The following TSC22D2 variants were observed in gnomAD, a reference collection of about 807,000 sequenced individuals.
The protein encoded by TSC22D2 is TSC22 domain family member 2, also known as TSC22 domain family protein 2.
Under a neutral mutation model 50.1 loss-of-function variants are expected in TSC22D2, and 5 were observed. That is an observed-to-expected ratio of 0.10 (90% CI 0.05 to 0.21). TSC22D2 has a LOEUF of 0.21. Ranked by LOEUF, TSC22D2 falls within the 10% of genes least tolerant of loss-of-function variation. The probability of loss-of-function intolerance (pLI) is 1.00; values close to 1 mark genes in which losing one functional copy is unlikely to be tolerated. For synonymous variants in TSC22D2, 501 were observed against 450.1 expected, an observed-to-expected ratio of 1.11 and a Z score of -1.43; for missense variants, 1,003 against 1,015.5, an observed-to-expected ratio of 0.99 and a Z score of 0.17.
intron 1 of TSC22D2, among the ~76,000 whole-genome samples, chr3:150,416,571 G>T (rs1263801577): frequency 6.6e-6 from 1 of 152,044 alleles, no homozygotes; most frequent in Non-Finnish European, 1.5e-5. Flanking sequence ...TGAATCATTG[G>T]TATAATGTCT....
At position 150,410,787 on chromosome 3, in the gene TSC22D2, G is replaced by C. The variant is rs144273585; in HGVS notation, c.1437G>C (p.Gln479His). 1 of 1,612,590 alleles carries C rather than the reference G, an allele frequency of 6.2e-7. No individual in the cohort carries two copies. Among genetic ancestry groups the C allele is most frequent in the Admixed American group, 1.7e-5 (1 of 59,940 alleles). The change falls in exon 1 of 3, where the codon CAG becomes CAC. Residue 479 changes from glutamine (Q) to histidine (H), a missense_variant. Around this residue, in one of 6 missense-constraint regions of TSC22D2, gnomAD observed 696 missense variants for 647.8 expected, o/e 1.07. Coordinates refer to ENST00000688009, the MANE Select transcript of TSC22D2 (RefSeq NM_001303264.2). ...CLGPAGAGQP[Q>H]SVPPPQMGGS... The stretch of plus-strand genomic sequence containing the variant: ...GTCCTGCCGGGGCTGGGCAGCCCCA[G>C]TCCGTGCCTCCGCCGCAGATGGGTG...
rs1463333214 is a variant in TSC22D2 at position 150,409,465 on chromosome 3, T to C, written c.115T>C (p.Ser39Pro). ...CGAGAGCTTGGACGACCCGGACGAG[T>C]CACGCACAGAGGACGTCTCCTCCGA... ...DTESLDDPDE[S>P]RTEDVSSEIF... is the part of the protein sequence containing the mutation. Residue 39 changes from serine (S) to proline (P), a missense_variant, in exon 1 of 3, where the codon TCA becomes CCA. Physicochemically the swap from Ser to Pro is moderately conservative, Grantham distance 74 (BLOSUM62 -1). This residue lies in a region of TSC22D2 where 200 missense variants were observed against 182.8 expected (regional missense o/e 1.09). Transcript: ENST00000688009. This position sits in a 1 kb window ranked among gnomAD's most constrained non-coding sequence, Gnocchi z 7.4. 3.1e-6 allele frequency: 5 copies of C among 1,609,366 alleles called. No homozygotes were observed. The highest frequency in any genetic ancestry group is 3.3e-4 in the Middle Eastern group (2 of 6,052).
At chr3:150,435,860 G>A (rs1002538383) in intron 1 of TSC22D2, among the ~76,000 whole-genome samples, 2 of 152,076 alleles carry the variant, frequency 1.3e-5, no homozygotes, top group Non-Finnish European at 2.9e-5. Flanking sequence ...GAATATTTGG[G>A]ATTTGGTTTT....
intron 1 of TSC22D2, among the ~76,000 whole-genome samples, chr3:150,438,678 TATACC>T (rs1419020891): frequency 6.6e-6 from 1 of 152,162 alleles, no homozygotes; most frequent in Non-Finnish European, 1.5e-5. Context: ...TTTTAGGTGT[TATACC>T]AGGAGATATT....
intron 1 of TSC22D2, among the ~76,000 whole-genome samples, chr3:150,447,717 TATC>T (rs957629424): frequency 5.8e-4 from 89 of 152,168 alleles, no homozygotes; most frequent in African/African-American, 2.1e-3. Context: ...CTCTTTTCCT[TATC>T]ATCTCACTGA....
intron 1 of TSC22D2, among the ~76,000 whole-genome samples, chr3:150,434,730 G>A (rs1402148890): frequency 2.0e-5 from 3 of 151,946 alleles, no homozygotes; most frequent in Non-Finnish European, 4.4e-5. Context: ...TGTGTATTTG[G>A]TGTTTCTTCT....
At chr3:150,453,159 A>G (rs990587645) in intron 1 of TSC22D2, among the ~76,000 whole-genome samples, 18 of 152,206 alleles carry the variant, frequency 1.2e-4, no homozygotes, top group Non-Finnish European at 1.9e-4. Flanking sequence ...GGAAGTAAAG[A>G]CAGGAAGCCT....
chr3:150,420,274 CTAAT>C (rs1719962403), intron 1 of TSC22D2, among the ~76,000 whole-genome samples: 1 of 152,158 alleles, frequency 6.6e-6, no homozygotes, highest in Non-Finnish European at 1.5e-5. Context: ...TGTTTGGAGA[CTAAT>C]TATTGTTGCT....
intron 1 of TSC22D2, among the ~76,000 whole-genome samples, chr3:150,436,383 A>G (rs1472844105): frequency 6.6e-6 from 1 of 151,966 alleles, no homozygotes; most frequent in Admixed American, 6.6e-5. Context: ...CGGCCCTTTA[A>G]CAAAAGGTCA....
rs184013459 is a variant in TSC22D2 at position 150,416,326 on chromosome 3, G to T, written c.1958+5018G>T. 1.2e-3 allele frequency among the ~76,000 whole-genome samples: 178 copies of T among 152,232 alleles called. 1 individual carries two copies. The highest frequency in any genetic ancestry group is 2.2e-3 in the Non-Finnish European group (148 of 68,000). ...GGAAGGAGAGGCCTTACAAAAGCAG[G>T]TCTGTCTGGTTAAACATAGCCTGAA... On this transcript the variant is annotated intron_variant, in intron 1 of 2. Transcript: ENST00000688009.
At chr3:150,437,470 C>T (rs979330668) in intron 1 of TSC22D2, among the ~76,000 whole-genome samples, 2 of 151,926 alleles carry the variant, frequency 1.3e-5, no homozygotes, top group South Asian at 2.1e-4. Flanking sequence ...CTTAAATGAT[C>T]GGTATGGATT....
At position 150,436,629 on chromosome 3, in the gene TSC22D2, A is replaced by C. The variant is rs142345544; in HGVS notation, c.1959-20447A>C. Among the ~76,000 whole-genome samples, 338 of 152,338 alleles carry C rather than the reference A, an allele frequency of 2.2e-3. 1 individual carries two copies. The highest frequency in any genetic ancestry group is 7.9e-3 in the African/African-American group (328 of 41,570). On this transcript the variant is annotated intron_variant, in intron 1 of 2. Transcript: ENST00000688009. The stretch of plus-strand genomic sequence containing the variant: ...GGTAATACATTAATGAAATGACCAC[A>C]ACTTTAAACGACCACTTATCCTCAT...
intron 1 of TSC22D2, among the ~76,000 whole-genome samples, chr3:150,419,867 C>G (rs1024486525): frequency 5.3e-5 from 8 of 152,114 alleles, no homozygotes; most frequent in African/African-American, 1.9e-4. Context: ...ACAGTGTAAA[C>G]CACATCTCAG....
Position 150,409,297 on chromosome 3 carries a change from C to G in TSC22D2, c.-54C>G, listed in dbSNP as rs369065042. On this transcript the variant is annotated 5_prime_UTR_variant, in exon 1 of 3. Transcript: ENST00000688009. The surrounding 1 kb of genome is among the most constrained non-coding windows in gnomAD (Gnocchi z 7.4). ...GCCCGTGCTCTGCCCTCCCCGGTTT[C>G]CGACAGGACCCAGAGGAGCCGGCGT... 14 of 1,527,652 alleles carry G rather than the reference C, an allele frequency of 9.2e-6. No individual in the cohort carries two copies. The African/African-American group carries it at 1.1e-4, about 12-fold the overall frequency. The allele number at this position is 1,527,652 out of a possible 1,614,324, so 94.6% of individuals were successfully genotyped here. A position where few individuals can be genotyped will look rare whatever the true frequency, so the allele number is the denominator to read the frequency against.
At chr3:150,423,000 AT>A in intron 1 of TSC22D2, 1 of 1,373,448 alleles carries the variant, frequency 7.3e-7, no homozygotes, top group South Asian at 1.2e-5. Context: ...AGTAGTGATT[AT>A]ACTGTACGTT....
rs1262920304 is a variant in TSC22D2 at position 150,409,573 on chromosome 3, G to A, written c.223G>A (p.Val75Ile). ...RSSSEETLNN[V>I]GDAETPGTVS... ...CTCTTCCGAAGAGACGCTTAACAAT[G>A]TTGGGGATGCGGAGACTCCCGGGAC... The change falls in exon 1 of 3, where the codon GTT becomes ATT. Residue 75 changes from valine (V) to isoleucine (I), a missense_variant. Coordinates refer to ENST00000688009, the MANE Select transcript of TSC22D2 (RefSeq NM_001303264.2). This position sits in a 1 kb window ranked among gnomAD's most constrained non-coding sequence, Gnocchi z 7.4. The A allele has an allele frequency of 7.5e-6, 12 of 1,600,270 alleles. No individual in the cohort carries two copies. Among genetic ancestry groups the A allele is most frequent in the Non-Finnish European group, 9.4e-6 (11 of 1,169,292 alleles).
intron 1 of TSC22D2, among the ~76,000 whole-genome samples, chr3:150,456,712 G>A (rs2108106869): frequency 6.6e-6 from 1 of 152,262 alleles, no homozygotes; most frequent in Middle Eastern, 3.4e-3. Context: ...AGAATGTATA[G>A]TTGGTTAATG....
chr3:150,409,755 C>T lies in TSC22D2; in HGVS notation c.405C>T (p.Gly135=), dbSNP rs745548860. The change falls in exon 1 of 3, where the codon GGC becomes GGT. Residue 135 remains glycine, a synonymous_variant. Transcript: ENST00000688009. The surrounding 1 kb of genome is among the most constrained non-coding windows in gnomAD (Gnocchi z 7.4). ...ATSAPAPGAP[G]GPQLAGSSAG... Reference sequence around the variant, plus strand: ...CGGCCCCCGCCCCCGGAGCACCCGGCGGCCCCCAGCTCGCGGGCTCATCCG... The same window carrying T: ...CGGCCCCCGCCCCCGGAGCACCCGGTGGCCCCCAGCTCGCGGGCTCATCCG... 3.1e-6 allele frequency: 5 copies of T among 1,601,588 alleles called. No homozygotes were observed. In the East Asian group the frequency reaches 6.7e-5, roughly 21 times the overall value.
chr3:150,408,337 C>A lies in TSC22D2; in HGVS notation c.-1014C>A. The A allele has an allele frequency of 6.5e-6, 1 of 153,472 alleles. No individual in the cohort carries two copies. Among genetic ancestry groups the A allele is most frequent in the South Asian group, 1.7e-4 (1 of 5,722 alleles). The allele number at this position is 153,472 out of a possible 1,614,324, so 9.5% of individuals were successfully genotyped here. ...GCGGCAGCGGGGCTGCTGCTCCTCC[C>A]AGCATCCCTGGCGCGGCCATTTCAG... On this transcript the variant is annotated 5_prime_UTR_variant, in exon 1 of 3. Coordinates refer to ENST00000688009, the MANE Select transcript of TSC22D2 (RefSeq NM_001303264.2).
Sources: allele counts gnomAD v4.1 joint callset (sites outside exome capture counted in the v4.1 genomes callset), GRCh38; gene constraint gnomAD v4.1.1; regional missense constraint gnomAD v4.1.1; non-coding constraint Gnocchi (gnomAD v3.1); transcripts MANE v1.5; gene names NCBI Gene and HGNC (gene_info 2026-07-23, HGNC 2026-07-21).